MARK3: variants seen among roughly 807,000 people sequenced by gnomAD.
MARK3 encodes MAP/microtubule affinity-regulating kinase 3.
MARK3 carries 46 observed loss-of-function variants against 90.1 expected under a neutral mutation model. The ratio of observed to expected loss-of-function variants is 0.51; its 90% CI spans 0.40 to 0.65. MARK3 has a LOEUF of 0.65. MARK3 is among the 30% of genes least tolerant of loss of function. The pLI is 0.00. For missense variants in MARK3, 818 were observed against 947.2 expected, an observed-to-expected ratio of 0.86 and a Z score of 1.79; for synonymous variants, 321 against 332.6, an observed-to-expected ratio of 0.97 and a Z score of 0.38.
intron 17 of MARK3, among the ~76,000 whole-genome samples, chr14:103,501,458 CCA>C (rs2075660755): frequency 1.3e-5 from 2 of 152,226 alleles, no homozygotes; most frequent in African/African-American, 4.8e-5. Context: ...GCCTCCAGTT[CCA>C]CTCAGTCTGT....
intron 1 of MARK3, among the ~76,000 whole-genome samples, chr14:103,403,373 T>TGTGTGTGTGTGTGTC: frequency 7.0e-6 from 1 of 142,420 alleles, no homozygotes; most frequent in Non-Finnish European, 1.5e-5. Context: ...TGTGTGTGTG[T>TGTGTGTGTGTGTGTC]AACTCAGTAA....
chr14:103,494,827 C>A (rs527386287), intron 15 of MARK3, among the ~76,000 whole-genome samples: 2 of 151,954 alleles, frequency 1.3e-5, no homozygotes, highest in South Asian at 4.2e-4. Context: ...AGTAGAGACC[C>A]GGTTTTATCA....
chr14:103,493,874 C>A (rs868662685), intron 15 of MARK3, among the ~76,000 whole-genome samples: 2,611 of 86,076 alleles, frequency 0.03, no homozygotes, highest in Admixed American at 0.039. Context: ...GACTGTGTCT[C>A]AAAAAAAAAA....
At chr14:103,436,366 A>G (rs1010039989) in intron 3 of MARK3, among the ~76,000 whole-genome samples, 11 of 149,376 alleles carry the variant, frequency 7.4e-5, no homozygotes, top group Non-Finnish European at 1.3e-4. Context: ...TATTTTGGAA[A>G]TCCTTTTCAT....
chr14:103,411,921 A>G (rs1342186043), intron 2 of MARK3, among the ~76,000 whole-genome samples: 1 of 149,236 alleles, frequency 6.7e-6, no homozygotes, highest in Non-Finnish European at 1.5e-5. Flanking sequence ...ACGCCCGGCC[A>G]ATGACTCTTA....
intron 6 of MARK3, among the ~76,000 whole-genome samples, chr14:103,459,431 C>CT (rs2093348650): frequency 6.6e-6 from 1 of 152,124 alleles, no homozygotes; most frequent in Non-Finnish European, 1.5e-5. Flanking sequence ...CCTAAAACAG[C>CT]TCCATTAGAC....
At chr14:103,421,481 C>G (rs2092218983) in intron 2 of MARK3, among the ~76,000 whole-genome samples, 2 of 152,134 alleles carry the variant, frequency 1.3e-5, no homozygotes, top group South Asian at 4.1e-4. Context: ...TTCATGTCTT[C>G]AAGAGTGGAG....
At position 103,405,192 on chromosome 14, in the gene MARK3, C is replaced by T; in HGVS notation, c.168C>T (p.Tyr56=). Residue 56 remains tyrosine (Y), a synonymous_variant, in exon 2 of 18, where the codon TAC becomes TAT. Transcript: ENST00000429436. The part of the protein sequence containing the change: ...CADEQPHIGN[Y]RLLKTIGKGN... Reference sequence around the variant, plus strand: ...ATGAACAACCTCACATCGGAAACTACAGACTGTTGAAAACAATCGGCAAGG... The same window carrying T: ...ATGAACAACCTCACATCGGAAACTATAGACTGTTGAAAACAATCGGCAAGG... 6.3e-7 allele frequency: 1 copy of T among 1,596,422 alleles called. No homozygotes were observed.
rs765072008 is a variant in MARK3 at position 103,503,059 on chromosome 14, C to T, written c.2094C>T (p.Leu698=). The T allele has an allele frequency of 6.2e-7, 1 of 1,614,256 alleles. No individual in the cohort carries two copies. Among genetic ancestry groups the T allele is most frequent in the Non-Finnish European group, 8.5e-7 (1 of 1,180,050 alleles). Residue 698 remains leucine, a synonymous_variant, in exon 18 of 18, where the codon CTC becomes CTT. Transcript: ENST00000429436. ...CDYEQRERFL[L]FCVHGDGHAE... The stretch of plus-strand genomic sequence containing the variant: ...ATGAGCAGAGGGAGCGCTTCTTGCT[C>T]TTCTGCGTCCACGGAGATGGGCACG...
intron 3 of MARK3, among the ~76,000 whole-genome samples, chr14:103,437,941 C>T (rs183321899): frequency 1.3e-5 from 2 of 152,316 alleles, no homozygotes; most frequent in Non-Finnish European, 2.9e-5. Flanking sequence ...TCAAATTCTA[C>T]ACACACTTTA....
chr14:103,431,458 G>A (rs1486876163), intron 3 of MARK3, among the ~76,000 whole-genome samples: 2 of 152,010 alleles, frequency 1.3e-5, no homozygotes, highest in Admixed American at 1.3e-4. Context: ...TGGTGAAACC[G>A]CGTCTCTACT....
At chr14:103,501,966 T>C (rs1250297125) in intron 17 of MARK3, among the ~76,000 whole-genome samples, 1 of 152,048 alleles carries the variant, frequency 6.6e-6, no homozygotes, top group African/African-American at 2.4e-5. Flanking sequence ...TAGGATGGAG[T>C]GTACTTAAGG....
chr14:103,420,309 G>T (rs1430093510), intron 2 of MARK3, among the ~76,000 whole-genome samples: 2 of 152,006 alleles, frequency 1.3e-5, no homozygotes, highest in African/African-American at 4.8e-5. Flanking sequence ...GCTCACTGCA[G>T]CTCTCTACCT....
intron 1 of MARK3, among the ~76,000 whole-genome samples, chr14:103,390,083 C>A (rs1240168268): frequency 6.6e-6 from 1 of 150,662 alleles, no homozygotes; most frequent in African/African-American, 2.4e-5. Flanking sequence ...CCTGTGTCTA[C>A]CAAAAATATA....
intron 14 of MARK3, among the ~76,000 whole-genome samples, chr14:103,483,500 C>T (rs930224979): frequency 8.5e-5 from 13 of 152,080 alleles, no homozygotes; most frequent in Non-Finnish European, 7.4e-5. Flanking sequence ...GGCTTTTTCT[C>T]GTCATAGGCA....
intron 1 of MARK3, among the ~76,000 whole-genome samples, chr14:103,403,695 T>G (rs2091107127): frequency 6.6e-6 from 1 of 152,216 alleles, no homozygotes; most frequent in Non-Finnish European, 1.5e-5. Flanking sequence ...AGCATGCATC[T>G]TGTGCACAAC....
chr14:103,466,803 G>A (rs555223935), intron 10 of MARK3, among the ~76,000 whole-genome samples: 14 of 152,218 alleles, frequency 9.2e-5, no homozygotes, highest in African/African-American at 3.4e-4. Context: ...TCGGGAGGTC[G>A]AGGCCAGCCT....
rs1393780238 is a variant in MARK3, at chr14:103,491,997, A to G, written c.1807A>G (p.Asn603Asp). The G allele has an allele frequency of 3.1e-6, 5 of 1,614,118 alleles. No homozygotes were observed. Among genetic ancestry groups the G allele is most frequent in the Non-Finnish European group, 4.2e-6 (5 of 1,180,020 alleles). ...CCAGACTCGAAGCCGAGGCTCCACT[A>G]ATCTCTTTAGTAAATTAACTTCAAA... ...LSQTRSRGST[N>D]LFSKLTSKLT... The change falls in exon 15 of 18, where the codon AAT becomes GAT. Residue 603 changes from asparagine to aspartate, a missense_variant. Asn to Asp is a conservative substitution (Grantham distance 23). Around this residue, in one of 3 missense-constraint regions of MARK3, gnomAD observed 560 missense variants for 613.5 expected, o/e 0.91. Coordinates refer to ENST00000429436, the MANE Select transcript of MARK3 (RefSeq NM_001128918.3).
intron 2 of MARK3, among the ~76,000 whole-genome samples, chr14:103,418,242 T>TA (rs1491541421): frequency 6.6e-5 from 6 of 91,572 alleles, no homozygotes; most frequent in Non-Finnish European, 1.1e-4. Context: ...TTTTTTTTTT[T>TA]AGCTCTTTTA....
Sources: allele counts gnomAD v4.1 joint callset (sites outside exome capture counted in the v4.1 genomes callset), GRCh38; gene constraint gnomAD v4.1.1; regional missense constraint gnomAD v4.1.1; transcripts MANE v1.5; gene names NCBI Gene and HGNC (gene_info 2026-07-23, HGNC 2026-07-21).